POLN: variants seen among roughly 807,000 people sequenced by gnomAD.
POLN encodes the protein DNA polymerase nu, also known as DNA polymerase N.
Under a neutral mutation model 113.5 loss-of-function variants are expected in POLN, and 108 were observed. That is an observed-to-expected ratio of 0.95 (90% CI 0.81 to 1.12). POLN has a LOEUF of 1.12. Ranked by LOEUF, POLN falls within the 50% of genes most tolerant of loss-of-function variation. The pLI, the probability that POLN is intolerant of heterozygous loss-of-function variation, is 0.00. For missense variants in POLN, 1,097 were observed against 1,077.1 expected (o/e 1.02, Z -0.26); for synonymous variants, 386 against 391.5 (o/e 0.99, Z 0.17).
chr4:2,174,481 C>T (rs1732945963), intron 10 of POLN, among the ~76,000 whole-genome samples: 1 of 152,176 alleles, frequency 6.6e-6, no homozygotes, highest in South Asian at 2.1e-4. Context: ...CCCATATGAC[C>T]AAGATGTCAG....
chr4:2,138,858 C>A (rs1731924322), intron 16 of POLN, among the ~76,000 whole-genome samples: 1 of 151,574 alleles, frequency 6.6e-6, no homozygotes, highest in South Asian at 2.1e-4. Flanking sequence ...TGTGCCACTG[C>A]ACTCCAGCCT....
chr4:2,161,972 T>TTA, intron 13 of POLN, among the ~76,000 whole-genome samples: 1 of 152,134 alleles, frequency 6.6e-6, no homozygotes, highest in Non-Finnish European at 1.5e-5. Context: ...AGAACCTTTG[T>TTA]GTCTAGCTCA....
chr4:2,107,254 C>T (rs767214273), intron 19 of POLN, among the ~76,000 whole-genome samples: 6 of 152,142 alleles, frequency 3.9e-5, no homozygotes, highest in Non-Finnish European at 8.8e-5. Flanking sequence ...CACTTGGTTT[C>T]GTAGGCAGGT....
chr4:2,088,254 G>T (rs1730593275), intron 20 of POLN, among the ~76,000 whole-genome samples: 2 of 152,082 alleles, frequency 1.3e-5, no homozygotes, highest in Non-Finnish European at 2.9e-5. Flanking sequence ...AATGAAACTA[G>T]GAATTATATC....
Position 2,163,027 on chromosome 4 carries a change from C to CAAAAAAAAA in POLN, c.1555-3825_1555-3817dup, listed in dbSNP as rs66769262. 2.1e-4 allele frequency among the ~76,000 whole-genome samples: 14 copies of CAAAAAAAAA among 66,548 alleles called. 1 individual carries two copies. The highest frequency in any genetic ancestry group is 6.1e-4 in the African/African-American group (11 of 18,148). The allele number at this position is 66,548 out of a possible 152,430, so 43.7% of individuals were successfully genotyped here. A position where few individuals can be genotyped will look rare whatever the true frequency, so the allele number is the denominator to read the frequency against. On this transcript the variant is annotated intron_variant, in intron 13 of 25. Coordinates refer to ENST00000511885, the MANE Select transcript of POLN (RefSeq NM_181808.4). ...TGAGAATCAATTTTTCAGTTCCTACCAAAAAAAAAAAAAAAAAAAAAAAAC... is the reference window on the plus strand; with the variant it reads ...TGAGAATCAATTTTTCAGTTCCTACCAAAAAAAAAAAAAAAAAAAAAAAAAAAAAAAAAC...
chr4:2,204,435 T>C (rs1733795139), intron 5 of POLN, among the ~76,000 whole-genome samples: 1 of 152,078 alleles, frequency 6.6e-6, no homozygotes, highest in South Asian at 2.1e-4. Flanking sequence ...GCAGTGAGAC[T>C]GAAATGGTAA....
intron 19 of POLN, among the ~76,000 whole-genome samples, chr4:2,098,654 T>G (rs1331804210): frequency 6.6e-6 from 1 of 152,228 alleles, no homozygotes; most frequent in African/African-American, 2.4e-5. Flanking sequence ...TATCTAAAGA[T>G]GTGTGTATAC....
chr4:2,193,937 T>C (rs1355665307), intron 6 of POLN, among the ~76,000 whole-genome samples: 1 of 152,208 alleles, frequency 6.6e-6, no homozygotes, highest in African/African-American at 2.4e-5. Context: ...TATTATAATG[T>C]GCCTTGAACG....
At chr4:2,085,427 A>T (rs1359322011) in intron 21 of POLN, among the ~76,000 whole-genome samples, 186 bp downstream of exon 21, 1 of 152,112 alleles carries the variant, frequency 6.6e-6, no homozygotes, top group Non-Finnish European at 1.5e-5. Flanking sequence ...CAAGCCGCCC[A>T]GACTCTTGTC....
chr4:2,087,875 C>A (rs906386463), intron 20 of POLN, among the ~76,000 whole-genome samples: 1 of 151,970 alleles, frequency 6.6e-6, no homozygotes, highest in Non-Finnish European at 1.5e-5. Context: ...CTGTGTTACC[C>A]AGGCTGGAGG....
intron 24 of POLN, 63 bp downstream of exon 24, chr4:2,075,389 G>T: frequency 1.3e-6 from 2 of 1,548,314 alleles, no homozygotes; most frequent in African/African-American, 2.7e-5. Context: ...TGTGCCCATG[G>T]GGCATGGAGC....
intron 10 of POLN, 99 bp from the exon 11 acceptor site, chr4:2,174,118 C>T: frequency 8.9e-7 from 1 of 1,129,584 alleles, no homozygotes; most frequent in Non-Finnish European, 1.3e-6. Flanking sequence ...ATAATGACTG[C>T]AACTGCCATT....
intron 23 of POLN, 111 bp downstream of exon 23, chr4:2,080,846 CG>C (rs1730394403): frequency 9.5e-6 from 15 of 1,582,494 alleles, no homozygotes; most frequent in Non-Finnish European, 1.0e-5. Context: ...CAGGAGGGGA[CG>C]GGGGCCCGAT....
chr4:2,073,151 G>A, intron 24 of POLN, 122 bp from the exon 25 acceptor site: 2 of 872,804 alleles, frequency 2.3e-6, no homozygotes, highest in South Asian at 3.0e-5. Flanking sequence ...TGTTTCCTGT[G>A]TCCACTCGGT....
chr4:2,100,027 G>C (rs2108703813), intron 19 of POLN, among the ~76,000 whole-genome samples: 1 of 147,282 alleles, frequency 6.8e-6, no homozygotes, highest in East Asian at 2.0e-4. Context: ...CTGAGATTGT[G>C]CCACTGCACT....
At chr4:2,080,373 C>T in intron 23 of POLN, 1 of 1,021,242 alleles carries the variant, frequency 9.8e-7, no homozygotes, top group Middle Eastern at 4.9e-4. Flanking sequence ...CGGAGCCCCC[C>T]CCCACCAAGG....
intron 2 of POLN, among the ~76,000 whole-genome samples, chr4:2,235,051 A>T (rs1248339812): frequency 6.6e-6 from 1 of 152,216 alleles, no homozygotes; most frequent in Non-Finnish European, 1.5e-5. Flanking sequence ...ACGCCCGGCT[A>T]ATTTTTGTAT....
chr4:2,166,352 A>G (rs1732727927), intron 13 of POLN, among the ~76,000 whole-genome samples: 1 of 152,162 alleles, frequency 6.6e-6, no homozygotes, highest in Non-Finnish European at 1.5e-5. Flanking sequence ...CAGCTTACAC[A>G]TAACTCCTTA....
In POLN at chr4:2,213,054, T is replaced by A. The variant is rs141034657; in HGVS notation, c.206A>T (p.Glu69Val). ...QLEDRKTQSP[E>V]KKDLKSLRSQ... Reference sequence around the variant, plus strand: ...ATATGTGCAATGATTTACCTTTTTTTCTGGTGATTGAGTCTTCCTGTCTTC... The same window carrying A: ...ATATGTGCAATGATTTACCTTTTTTACTGGTGATTGAGTCTTCCTGTCTTC... The change falls in exon 4 of 26, where the codon GAA becomes GTA. Residue 69 changes from glutamate (E) to valine (V), a missense_variant. By Grantham distance (121) the Glu-to-Val change is moderately radical. Transcript: ENST00000511885. The A allele has an allele frequency of 3.4e-5, 55 of 1,605,286 alleles. No homozygotes were observed. The highest frequency in any genetic ancestry group is 4.4e-5 in the Non-Finnish European group (52 of 1,174,906).
Sources: gnomAD v4.1 joint callset for allele counts (sites outside exome capture counted in the v4.1 genomes callset) on GRCh38, gnomAD v4.1.1 for gene constraint, MANE v1.5 for transcripts, NCBI Gene and HGNC (gene_info 2026-07-23, HGNC 2026-07-21) for gene names.